Variants in PXK observed in about 807,000 individuals in gnomAD.
PXK encodes PX domain-containing protein kinase-like protein.
In PXK, 35 loss-of-function variants were observed where a neutral mutation model predicts 84.7. The observed-to-expected ratio is 0.41, with a 90% CI of 0.32 to 0.55. PXK has a LOEUF of 0.55. PXK is among the 20% of genes least tolerant of loss of function. PXK has a pLI of 0.21. For missense variants in PXK, 634 were observed against 699.7 expected (o/e 0.91, Z 1.06); for synonymous variants, 253 against 260.8 (o/e 0.97, Z 0.29).
Position 58,406,738 on chromosome 3 carries a change from C to T in PXK, c.1231-2186C>T, listed in dbSNP as rs191971846. ...GAATAATGACTCCCCATTTCTCCCT[C>T]CCCACAGCTCCGGGCAATCACTATT... On this transcript the variant is annotated intron_variant, in intron 13 of 17. Coordinates refer to ENST00000356151, the MANE Select transcript of PXK (RefSeq NM_017771.5). Among the ~76,000 whole-genome samples the T allele has an allele frequency of 2.8e-3, 430 of 152,322 alleles. 3 individuals carry two copies. The highest frequency in any genetic ancestry group is 0.02 in the Middle Eastern group (6 of 294).
chr3:58,387,719 A>G (rs1017860593), intron 4 of PXK, among the ~76,000 whole-genome samples: 1 of 152,184 alleles, frequency 6.6e-6, no homozygotes, highest in African/African-American at 2.4e-5. Flanking sequence ...TAGGTGGAAG[A>G]GAGTAGCCCT....
chr3:58,381,443 G>A (rs746288830), intron 3 of PXK, among the ~76,000 whole-genome samples: 5 of 150,572 alleles, frequency 3.3e-5, no homozygotes, highest in Admixed American at 6.6e-5. Flanking sequence ...CCTGCTTGGA[G>A]TAGGTTGTTG....
At chr3:58,346,778 C>A (rs2097828181) in intron 1 of PXK, among the ~76,000 whole-genome samples, 1 of 149,424 alleles carries the variant, frequency 6.7e-6, no homozygotes, top group African/African-American at 2.5e-5. Flanking sequence ...CCACTTCAGC[C>A]TCCTGAGTAA....
rs1051517053 is a variant in PXK at position 58,398,549 on chromosome 3, C to T, written c.1103-750C>T. 5.3e-5 allele frequency among the ~76,000 whole-genome samples: 8 copies of T among 152,038 alleles called. No homozygotes were observed. Among genetic ancestry groups the T allele is most frequent in the South Asian group, 2.1e-4 (1 of 4,810 alleles). ...CCAGGAGCTCTTACAGCATTACCTG[C>T]GGGGGCTGAGGGGAGCTGGAGGACA... On this transcript the variant is annotated intron_variant, in intron 11 of 17. Transcript: ENST00000356151. The surrounding 1 kb of genome is among the most constrained non-coding windows in gnomAD (Gnocchi z 4.5).
At position 58,409,774 on chromosome 3, in the gene PXK, G is replaced by A. The variant is rs74477836; in HGVS notation, c.1395+156G>A. On this transcript the variant is annotated intron_variant, in intron 15 of 17. Transcript: ENST00000356151. The surrounding 1 kb of genome is among the most constrained non-coding windows in gnomAD (Gnocchi z 4.2). ...ATGACTGGGGTGCAGTTTTTTTGGG[G>A]AAAAAAAAAGAGTCATATGATAATC... is the stretch of plus-strand genomic sequence containing the variant. Among the ~76,000 whole-genome samples the A allele has an allele frequency of 2.0e-5, 3 of 150,460 alleles. No individual in the cohort carries two copies. The highest frequency in any genetic ancestry group is 4.9e-5 in the African/African-American group (2 of 40,930).
intron 3 of PXK, among the ~76,000 whole-genome samples, chr3:58,372,587 G>T (rs1438345674): frequency 6.6e-6 from 1 of 151,146 alleles, no homozygotes; most frequent in Non-Finnish European, 1.5e-5. Flanking sequence ...CTCCCAAAGT[G>T]CTGGGATTAC....
Position 58,351,314 on chromosome 3 carries a change from CCTT to C in PXK, c.103-14556_103-14554del, listed in dbSNP as rs2097918044. ...CTCCATCTCCCTGGGCTTAAATGATCCTTCTTGGGCTTCAGTGATCCACCCGCC... is the reference window on the plus strand; with the variant it reads ...CTCCATCTCCCTGGGCTTAAATGATCCTTGGGCTTCAGTGATCCACCCGCC... On this transcript the variant is annotated intron_variant, in intron 1 of 17. Transcript: ENST00000356151. 2.0e-5 allele frequency among the ~76,000 whole-genome samples: 3 copies of C among 152,038 alleles called. No individual in the cohort carries two copies. The South Asian group carries it at 6.2e-4, about 32-fold the overall frequency.
chr3:58,356,893 G>A (rs1401006048), intron 1 of PXK, among the ~76,000 whole-genome samples: 4 of 72,612 alleles, frequency 5.5e-5, no homozygotes, highest in African/African-American at 1.5e-4. Context: ...GAGCCACTGC[G>A]CCCGGCCTCT....
intron 1 of PXK, among the ~76,000 whole-genome samples, chr3:58,342,299 C>G (rs769342661): frequency 4.0e-5 from 6 of 151,342 alleles, no homozygotes; most frequent in Non-Finnish European, 5.9e-5. Flanking sequence ...CCTCACTGAC[C>G]TGAAGCCCAT....
At chr3:58,372,408 C>T (rs1207559414) in intron 3 of PXK, among the ~76,000 whole-genome samples, 8 of 151,112 alleles carry the variant, frequency 5.3e-5, no homozygotes, top group East Asian at 2.0e-4. Flanking sequence ...CTGCAAGCTC[C>T]GCCTCCCGGG....
At chr3:58,423,270 A>T (rs1429451786) in intron 17 of PXK, 20 of 972,716 alleles carry the variant, frequency 2.1e-5, no homozygotes, top group Non-Finnish European at 2.4e-5. Flanking sequence ...GGTGACATAA[A>T]GCCAGGAACA....
rs2107699778 is a variant in PXK, at chr3:58,416,921, C to T, written c.1528+3958C>T. Among the ~76,000 whole-genome samples, 1 of 152,300 alleles carries T rather than the reference C, an allele frequency of 6.6e-6. No individual in the cohort carries two copies. Among genetic ancestry groups the T allele is most frequent in the South Asian group, 2.1e-4 (1 of 4,824 alleles). On this transcript the variant is annotated intron_variant, in intron 17 of 17. Transcript: ENST00000356151. The surrounding 1 kb of genome is among the most constrained non-coding windows in gnomAD (Gnocchi z 4.8). ...TACAGGCTTGAGCCACTGTGCCCGG[C>T]CAGGATTGCAACTTTTGGCTGGCCA...
At chr3:58,410,283 A>G (rs2060006187) in intron 16 of PXK, 124 bp downstream of exon 16, 3 of 641,568 alleles carry the variant, frequency 4.7e-6, no homozygotes, top group Non-Finnish European at 8.4e-6. Context: ...GACTACAGAG[A>G]ACAAAATAAC....
rs1016317502 is a variant in PXK, at chr3:58,421,134, G to A, written c.1529-3618G>A. The A allele has an allele frequency of 1.5e-5, 15 of 985,284 alleles. No homozygotes were observed. In the African/African-American group the frequency reaches 1.9e-4, roughly 13 times the overall value. The allele number at this position is 985,284 out of a possible 1,614,324, so 61.0% of individuals were successfully genotyped here. A position where few individuals can be genotyped will look rare whatever the true frequency, so the allele number is the denominator to read the frequency against. On this transcript the variant is annotated intron_variant, in intron 17 of 17. Transcript: ENST00000356151. The surrounding 1 kb of genome is among the most constrained non-coding windows in gnomAD (Gnocchi z 5.5). ...CGAGAGCTGGGGGCTTGCCTGCTTC[G>A]GTTCTCTCCTGAGGGTGGCTGGTAA... is the stretch of plus-strand genomic sequence containing the variant.
At position 58,424,894 on chromosome 3, in the gene PXK, G is replaced by C. The variant is rs147434462; in HGVS notation, c.1671G>C (p.Gln557His). The change falls in exon 18 of 18, where the codon CAG becomes CAC. Residue 557 changes from glutamine (Q) to histidine (H), a missense_variant. Physicochemically the swap from Gln to His is conservative, Grantham distance 24 (BLOSUM62 0). This residue lies in a region of PXK where 273 missense variants were observed against 283.6 expected (regional missense o/e 0.96). Transcript: ENST00000356151. The part of the protein sequence containing the change: ...MSRGALLSSI[Q>H]NFQKGTLRKA... ...GAGGGGCCTTGCTCAGCTCCATCCA[G>C]AATTTCCAAAAAGGAACTTTGAGGA... 290 of 1,614,194 alleles carry C rather than the reference G, an allele frequency of 1.8e-4. No homozygotes were observed. Among genetic ancestry groups the C allele is most frequent in the Non-Finnish European group, 2.4e-4 (279 of 1,180,044 alleles).
At position 58,386,351 on chromosome 3, in the gene PXK, T is replaced by C. The variant is rs140614825; in HGVS notation, c.388+3651T>C. Among the ~76,000 whole-genome samples the C allele has an allele frequency of 5.9e-3, 786 of 133,680 alleles. 7 individuals are homozygous for C. Among genetic ancestry groups the C allele is most frequent in the African/African-American group, 0.02 (730 of 36,772 alleles). The allele number at this position is 133,680 out of a possible 152,430, so 87.7% of individuals were successfully genotyped here. ...CACTCTGTTGGCCAGGCTGGAGTGC[T>C]GTAGCGTGGTCTTGGCTCACTGCAA... On this transcript the variant is annotated intron_variant, in intron 4 of 17. Transcript: ENST00000356151.
chr3:58,354,447 AGTT>A (rs2098021205), intron 1 of PXK, among the ~76,000 whole-genome samples: 1 of 141,310 alleles, frequency 7.1e-6, no homozygotes, highest in Non-Finnish European at 1.5e-5. Context: ...GCTGCTTCCT[AGTT>A]TTTTTTTTTT....
At chr3:58,375,601 G>C (rs2098435293) in intron 3 of PXK, among the ~76,000 whole-genome samples, 1 of 152,168 alleles carries the variant, frequency 6.6e-6, no homozygotes, top group African/African-American at 2.4e-5. Context: ...TGTGTGAATG[G>C]AGTTTGCACT....
chr3:58,381,184 G>C (rs994140364), intron 3 of PXK, among the ~76,000 whole-genome samples: 10 of 148,948 alleles, frequency 6.7e-5, no homozygotes, highest in African/African-American at 2.2e-4. Flanking sequence ...AGGAGACAGA[G>C]TTTGCAGCGA....
Sources: allele counts gnomAD v4.1 joint callset (sites outside exome capture counted in the v4.1 genomes callset), GRCh38; gene constraint gnomAD v4.1.1; regional missense constraint gnomAD v4.1.1; non-coding constraint Gnocchi (gnomAD v3.1); transcripts MANE v1.5; gene names NCBI Gene and HGNC (gene_info 2026-07-23, HGNC 2026-07-21).